The following ANKRD31 variants were observed in gnomAD, a reference collection of about 807,000 sequenced individuals.
ANKRD31 encodes ankyrin repeat domain-containing protein 31.
Under a neutral mutation model 186.0 loss-of-function variants are expected in ANKRD31, and 147 were observed. The ratio of observed to expected loss-of-function variants is 0.79; its 90% CI spans 0.69 to 0.91. The LOEUF (loss-of-function observed/expected upper bound fraction) is 0.91, where lower values mean the gene tolerates loss of function less well. ANKRD31 is among the 40% of genes least tolerant of loss of function. The probability of loss-of-function intolerance (pLI) is 0.00; values close to 1 mark genes in which losing one functional copy is unlikely to be tolerated. For synonymous variants in ANKRD31, 673 were observed against 736.4 expected (o/e 0.91, Z 1.39); for missense variants, 1,986 against 2,148.8 (o/e 0.92, Z 1.50).
At chr5:75,229,864 C>CAAAAAAAAAAAAAAAAAAAAA (rs1210080751) in intron 2 of ANKRD31, among the ~76,000 whole-genome samples, 5 of 37,850 alleles carry the variant, frequency 1.3e-4, no homozygotes, top group African/African-American at 4.6e-4. Context: ...GACTCTGTCT[C>CAAAAAAAAAAAAAAAAAAAAA]AAAAAAAAAA....
intron 9 of ANKRD31, among the ~76,000 whole-genome samples, chr5:75,190,953 T>C (rs6898116): frequency 6.6e-6 from 1 of 151,322 alleles, no homozygotes; most frequent in Non-Finnish European, 1.5e-5. Flanking sequence ...TCTTCTTTAG[T>C]GTATATTTCC....
intron 4 of ANKRD31, among the ~76,000 whole-genome samples, 162 bp downstream of exon 4, chr5:75,210,666 A>G (rs1266613548): frequency 6.6e-6 from 1 of 152,218 alleles, no homozygotes; most frequent in East Asian, 1.9e-4. Context: ...AATAAAACTT[A>G]TCTAGAATGT....
At chr5:75,185,602 A>C (rs902006990) in intron 10 of ANKRD31, among the ~76,000 whole-genome samples, 4 of 151,994 alleles carry the variant, frequency 2.6e-5, no homozygotes, top group Non-Finnish European at 4.4e-5. Context: ...ATGGTGTCCT[A>C]TTGAAGAGTT....
At chr5:75,073,850 C>T (rs1744423748) in intron 25 of ANKRD31, among the ~76,000 whole-genome samples, 1 of 152,156 alleles carries the variant, frequency 6.6e-6, no homozygotes, top group Non-Finnish European at 1.5e-5. Flanking sequence ...TTTAGGCCCA[C>T]CTCCTCTTTT....
chr5:75,128,023 T>C (rs545807678), intron 17 of ANKRD31, among the ~76,000 whole-genome samples: 7 of 152,358 alleles, frequency 4.6e-5, no homozygotes, highest in Non-Finnish European at 8.8e-5. Context: ...TCATATGAAA[T>C]AGAAGCAGTT....
intron 5 of ANKRD31, 111 bp from the exon 6 acceptor site, chr5:75,199,785 C>T (rs1186663513): frequency 6.2e-6 from 3 of 481,524 alleles, no homozygotes; most frequent in African/African-American, 4.1e-5. Context: ...TCAAGTGACA[C>T]ATCATATATT....
chr5:75,139,847 A>G (rs530506450), intron 15 of ANKRD31, among the ~76,000 whole-genome samples: 37 of 152,208 alleles, frequency 2.4e-4, no homozygotes, highest in South Asian at 1.5e-3. Flanking sequence ...CAGTTGGTTA[A>G]TATCTTTTAT....
rs1207325556 is a variant in ANKRD31 at position 75,146,983 on chromosome 5, T to C, written c.2428A>G (p.Ile810Val). 2 of 1,536,376 alleles carry C rather than the reference T, an allele frequency of 1.3e-6. No homozygotes were observed. Among genetic ancestry groups the C allele is most frequent in the Non-Finnish European group, 1.7e-6 (2 of 1,146,316 alleles). The change falls in exon 14 of 26, where the codon ATC (isoleucine) becomes GTC (valine). Residue 810 changes from isoleucine (I) to valine (V), a missense_variant. Transcript: ENST00000506364. ...EACSVSKEKHIQNLDLSDSQE... is the reference protein window; with the variant it reads ...EACSVSKEKHVQNLDLSDSQE... The stretch of plus-strand genomic sequence containing the variant: ...CTATCTGATAAATCCAGGTTCTGGA[T>C]GTGTTTCTCTTTGGAAACTGAACAA...
At chr5:75,153,101 G>C (rs1027705250) in intron 12 of ANKRD31, among the ~76,000 whole-genome samples, 1 of 151,964 alleles carries the variant, frequency 6.6e-6, no homozygotes, top group Non-Finnish European at 1.5e-5. Context: ...TAGCTGCCAG[G>C]TTGTCAGCAG....
In ANKRD31 at chr5:75,116,596, G is replaced by C; in HGVS notation, c.4125C>G (p.His1375Gln). Residue 1375 changes from histidine (H) to glutamine (Q), a missense_variant, in exon 19 of 26, where the codon CAC becomes CAG. Transcript: ENST00000506364. ...GKTIDSSSLS[H>Q]QERSRESLSV... ...AAAGGCTTTCTCTTGATCTTTCTTG[G>C]TGTGAAAGGGAAGATGAGTCAATAG... The C allele has an allele frequency of 6.8e-7, 1 of 1,465,736 alleles. No homozygotes were observed. Among genetic ancestry groups the C allele is most frequent in the South Asian group, 1.4e-5 (1 of 69,552 alleles). 90.8% of individuals were successfully genotyped at this position (1,465,736 alleles called of 1,614,324 possible). A position where few individuals can be genotyped will look rare whatever the true frequency, so the allele number is the denominator to read the frequency against.
intron 15 of ANKRD31, among the ~76,000 whole-genome samples, chr5:75,140,724 T>C (rs1750991123): frequency 6.6e-6 from 1 of 152,232 alleles, no homozygotes; most frequent in East Asian, 1.9e-4. Context: ...AGTAGCCATG[T>C]TGGAGAAGCC....
In ANKRD31 at chr5:75,080,674, C is replaced by T. The variant is rs113073861; in HGVS notation, c.5576-35G>A. ...AAACAAAACGTTAGTAATAATTTTG[C>T]TGAATTAGGGGACTGCTCTGGTCAA... On this transcript the variant is annotated intron_variant, in intron 24 of 25. Coordinates refer to ENST00000506364, the MANE Select transcript of ANKRD31 (RefSeq NM_001372053.1). 5.9e-4 allele frequency: 867 copies of T among 1,460,712 alleles called. 5 individuals carry two copies. The African/African-American group carries it at 7.7e-3, about 13-fold the overall frequency. 90.5% of individuals were successfully genotyped at this position (1,460,712 alleles called of 1,614,324 possible).
At chr5:75,232,569 T>G (rs920475814) in intron 1 of ANKRD31, among the ~76,000 whole-genome samples, 1 of 151,692 alleles carries the variant, frequency 6.6e-6, no homozygotes, top group South Asian at 2.1e-4. Context: ...TTGTGTGTTT[T>G]TTTTTTTTAA....
chr5:75,078,697 A>T (rs1305829266), intron 25 of ANKRD31, among the ~76,000 whole-genome samples: 2 of 152,204 alleles, frequency 1.3e-5, no homozygotes, highest in Non-Finnish European at 2.9e-5. Flanking sequence ...TAACAGAATT[A>T]AAAAAGAAAT....
rs1222897536 is a variant in ANKRD31 at position 75,230,612 on chromosome 5, G to C, written c.128C>G (p.Ser43Cys). 10 of 1,536,918 alleles carry C rather than the reference G, an allele frequency of 6.5e-6. No individual in the cohort carries two copies. The Admixed American group carries it at 2.0e-4, about 30-fold the overall frequency. Reference sequence around the variant, plus strand: ...ATGCAGACTGAACTCAGATTTAAGAGATGCGTCTTGATCAAACAGCAACCT... The same window carrying C: ...ATGCAGACTGAACTCAGATTTAAGACATGCGTCTTGATCAAACAGCAACCT... Reference protein sequence around the residue: ...WRRLLFDQDASLKSEFSLHPD... With the variant: ...WRRLLFDQDACLKSEFSLHPD... Residue 43 changes from serine (S) to cysteine (C), a missense_variant, in exon 2 of 26, where the codon TCT becomes TGT. Transcript: ENST00000506364.
At chr5:75,130,617 C>A (rs560236311) in intron 17 of ANKRD31, among the ~76,000 whole-genome samples, 12 of 152,244 alleles carry the variant, frequency 7.9e-5, no homozygotes, top group Admixed American at 2.0e-4. Context: ...CAAAAGTTCT[C>A]CAAATTCCCA....
At chr5:75,217,871 T>A (rs1459058430) in intron 3 of ANKRD31, among the ~76,000 whole-genome samples, 1 of 152,196 alleles carries the variant, frequency 6.6e-6, no homozygotes, top group African/African-American at 2.4e-5. Context: ...TGTACTTAAG[T>A]GTGTTTTTGT....
chr5:75,099,622 C>T (rs986301076), intron 22 of ANKRD31, among the ~76,000 whole-genome samples: 3 of 152,100 alleles, frequency 2.0e-5, no homozygotes, highest in African/African-American at 7.2e-5. Flanking sequence ...TGTTATTGGT[C>T]TATTCAGGGA....
rs1747191511 is a variant in ANKRD31 at position 75,104,731 on chromosome 5, T to A, written c.4828A>T (p.Ile1610Phe). 1 of 1,537,210 alleles carries A rather than the reference T, an allele frequency of 6.5e-7. No individual in the cohort carries two copies. The highest frequency in any genetic ancestry group is 8.7e-7 in the Non-Finnish European group (1 of 1,146,888). Reference protein sequence around the residue: ...NKLPSQPVAFIGQTEYSQKEN... With the variant: ...NKLPSQPVAFFGQTEYSQKEN... ...TTCTGTGAATATTCTGTTTGACCAATAAAAGCAACAGGTTGGGATGGTAAT... is the reference window on the plus strand; with the variant it reads ...TTCTGTGAATATTCTGTTTGACCAAAAAAAGCAACAGGTTGGGATGGTAAT... Residue 1610 changes from isoleucine to phenylalanine, a missense_variant, in exon 22 of 26, where the codon ATT becomes TTT. Ile to Phe is a conservative substitution (Grantham distance 21, BLOSUM62 0). Transcript: ENST00000506364.
Sources: allele counts gnomAD v4.1 joint callset (sites outside exome capture counted in the v4.1 genomes callset), GRCh38; gene constraint gnomAD v4.1.1; transcripts MANE v1.5; gene names NCBI Gene and HGNC (gene_info 2026-07-23, HGNC 2026-07-21).